WDR25: variants seen among roughly 807,000 people sequenced by gnomAD.
WDR25 encodes WD repeat domain 25.
In WDR25, 35 loss-of-function variants were observed where a neutral mutation model predicts 47.7. That is an observed-to-expected ratio of 0.73 (90% CI 0.56 to 0.97). WDR25 has a LOEUF of 0.97. WDR25 is among the 50% of genes least tolerant of loss of function. WDR25 has a pLI of 0.00. For synonymous variants in WDR25, 248 were observed against 278.9 expected (o/e 0.89, Z 1.10); for missense variants, 634 against 704.7 (o/e 0.90, Z 1.14).
intron 2 of WDR25, among the ~76,000 whole-genome samples, chr14:100,417,143 C>A (rs967571640): frequency 6.6e-6 from 1 of 152,236 alleles, no homozygotes; most frequent in Non-Finnish European, 1.5e-5. Context: ...CCTGCCCCTC[C>A]CTTCTCTATG....
At chr14:100,526,115 T>C in intron 5 of WDR25, 75 bp downstream of exon 5, 7 of 1,526,698 alleles carry the variant, frequency 4.6e-6, no homozygotes, top group Non-Finnish European at 5.3e-6. Context: ...CTGTCTGAGG[T>C]CCCAGGTCCC....
At position 100,529,610 on chromosome 14, in the gene WDR25, G is replaced by A; in HGVS notation, c.1414-210G>A. ...CAGCTGGGCTGGAGCTGGTCCCGCT[G>A]GATCTGCTGAACTGGCCTTGGGATG... On this transcript the variant is annotated intron_variant, in intron 6 of 6. Coordinates refer to ENST00000402312, the MANE Select transcript of WDR25 (RefSeq NM_001161476.3). This position sits in a 1 kb window ranked among gnomAD's most constrained non-coding sequence, Gnocchi z 5.1. 1 of 624,204 alleles carries A rather than the reference G, an allele frequency of 1.6e-6. No homozygotes were observed. The allele number at this position is 624,204 out of a possible 1,614,324, so 38.7% of individuals were successfully genotyped here. A position where few individuals can be genotyped will look rare whatever the true frequency, so the allele number is the denominator to read the frequency against.
chr14:100,393,897 C>T (rs930170480), intron 2 of WDR25, among the ~76,000 whole-genome samples: 10 of 152,064 alleles, frequency 6.6e-5, no homozygotes, highest in African/African-American at 1.9e-4. Context: ...CTTGGGGCCC[C>T]GCCTGAGTGG....
chr14:100,395,397 C>T (rs1897235208), intron 2 of WDR25, among the ~76,000 whole-genome samples: 1 of 152,182 alleles, frequency 6.6e-6, no homozygotes, highest in African/African-American at 2.4e-5. Context: ...GAGTACCAGG[C>T]GTATGGCAGG....
chr14:100,517,346 C>T (rs995708461), intron 4 of WDR25, among the ~76,000 whole-genome samples: 23 of 151,950 alleles, frequency 1.5e-4, no homozygotes, highest in African/African-American at 5.1e-4. Context: ...CAAAGCTCCT[C>T]TGTTTTTATT....
At chr14:100,429,724 G>A (rs867273628) in intron 2 of WDR25, among the ~76,000 whole-genome samples, 19 of 152,172 alleles carry the variant, frequency 1.2e-4, no homozygotes, top group African/African-American at 4.6e-4. Context: ...GGTGTCAGGT[G>A]TGGGCTTTCC....
intron 2 of WDR25, among the ~76,000 whole-genome samples, chr14:100,438,015 C>T (rs1022200763): frequency 9.9e-5 from 15 of 152,184 alleles, no homozygotes; most frequent in Admixed American, 3.9e-4. Flanking sequence ...AGATGATTGT[C>T]CCATTTCTAA....
intron 4 of WDR25, among the ~76,000 whole-genome samples, chr14:100,519,492 G>A (rs1901623783): frequency 6.6e-6 from 1 of 151,294 alleles, no homozygotes; most frequent in South Asian, 2.1e-4. Context: ...TTCATCTCTT[G>A]AAGTGTGATT....
rs139607366 is a variant in WDR25 at position 100,406,346 on chromosome 14, A to C, written c.822+24600A>C. 2.3e-3 allele frequency among the ~76,000 whole-genome samples: 344 copies of C among 152,356 alleles called. 3 individuals carry two copies. Among genetic ancestry groups the C allele is most frequent in the African/African-American group, 7.9e-3 (328 of 41,584 alleles). On this transcript the variant is annotated intron_variant, in intron 2 of 6. Coordinates refer to ENST00000402312, the MANE Select transcript of WDR25 (RefSeq NM_001161476.3). ...AAGGGCAAGTCAGTGGCACAATTCA[A>C]GCAAAGTGCTGCTGTTACTCGAGCA... is the stretch of plus-strand genomic sequence containing the variant.
Position 100,449,656 on chromosome 14 carries a change from G to C in WDR25, c.823-18365G>C, listed in dbSNP as rs892768572. Among the ~76,000 whole-genome samples, 1 of 152,200 alleles carries C rather than the reference G, an allele frequency of 6.6e-6. No homozygotes were observed. Among genetic ancestry groups the C allele is most frequent in the Non-Finnish European group, 1.5e-5 (1 of 68,030 alleles). On this transcript the variant is annotated intron_variant, in intron 2 of 6. Transcript: ENST00000402312. The surrounding 1 kb of genome is among the most constrained non-coding windows in gnomAD (Gnocchi z 4.2). Reference sequence around the variant, plus strand: ...ACTAAATCAGGTGATGCTTCCAGGAGCCCCCACTCAGTAACTGCTGAGAGC... The same window carrying C: ...ACTAAATCAGGTGATGCTTCCAGGACCCCCCACTCAGTAACTGCTGAGAGC...
At chr14:100,403,623 C>T (rs1897446401) in intron 2 of WDR25, among the ~76,000 whole-genome samples, 1 of 152,126 alleles carries the variant, frequency 6.6e-6, no homozygotes, top group African/African-American at 2.4e-5. Flanking sequence ...AACTCTGGTT[C>T]CTTTGAAGAT....
intron 2 of WDR25, among the ~76,000 whole-genome samples, chr14:100,451,223 C>T (rs959965852): frequency 2.7e-5 from 4 of 148,754 alleles, no homozygotes; most frequent in African/African-American, 7.5e-5. Context: ...CAGGAGCCAG[C>T]GTTCATTCGC....
intron 2 of WDR25, among the ~76,000 whole-genome samples, chr14:100,466,857 A>G (rs140371555): frequency 2.0e-5 from 3 of 152,336 alleles, no homozygotes; most frequent in Non-Finnish European, 4.4e-5. Context: ...TCTGTGTGTC[A>G]GGCCCTGGGC....
intron 2 of WDR25, among the ~76,000 whole-genome samples, chr14:100,409,087 C>G (rs921493964): frequency 2.0e-5 from 3 of 152,118 alleles, no homozygotes; most frequent in Admixed American, 1.3e-4. Context: ...AGGCTGCCTC[C>G]AGGGTGGGGG....
At chr14:100,503,187 C>A (rs1291232683) in intron 4 of WDR25, among the ~76,000 whole-genome samples, 1 of 151,994 alleles carries the variant, frequency 6.6e-6, no homozygotes, top group Non-Finnish European at 1.5e-5. Flanking sequence ...GAGCTGAACA[C>A]CCCAAGGGAG....
intron 3 of WDR25, among the ~76,000 whole-genome samples, chr14:100,477,171 C>G (rs754973136): frequency 6.6e-6 from 1 of 152,200 alleles, no homozygotes; most frequent in East Asian, 1.9e-4. Context: ...AGCCACTATT[C>G]CAGAGTTCCC....
chr14:100,406,398 G>A lies in WDR25; in HGVS notation c.822+24652G>A, dbSNP rs149667233. Among the ~76,000 whole-genome samples, 19 of 152,298 alleles carry A rather than the reference G, an allele frequency of 1.2e-4. 1 individual carries two copies. In the East Asian group the frequency reaches 3.7e-3, roughly 29 times the overall value. On this transcript the variant is annotated intron_variant, in intron 2 of 6. Transcript: ENST00000402312. The stretch of plus-strand genomic sequence containing the variant: ...TTGCTGTGTGCCAGGATCTTCACAC[G>A]GACAGCCTCAGTTTTCATAGGAGTC...
At chr14:100,450,043 C>T (rs1898973513) in intron 2 of WDR25, among the ~76,000 whole-genome samples, 1 of 152,236 alleles carries the variant, frequency 6.6e-6, no homozygotes, top group Admixed American at 6.5e-5. Flanking sequence ...TCACTTGTCT[C>T]CTTGTGTTAT....
chr14:100,426,522 G>A (rs561363926), intron 2 of WDR25, among the ~76,000 whole-genome samples: 2 of 152,366 alleles, frequency 1.3e-5, no homozygotes, highest in South Asian at 2.1e-4. Context: ...AGACGCCTGC[G>A]TGCGCCCAGC....
Sources: gnomAD v4.1 joint callset for allele counts (sites outside exome capture counted in the v4.1 genomes callset) on GRCh38, gnomAD v4.1.1 for gene constraint, Gnocchi (gnomAD v3.1) non-coding constraint, MANE v1.5 for transcripts, NCBI Gene and HGNC (gene_info 2026-07-23, HGNC 2026-07-21) for gene names.